The following SERINC1 variants were observed in gnomAD, a reference collection of about 807,000 sequenced individuals.
SERINC1 encodes the protein serine incorporator 1, also known as tumor differentially expressed protein 2.
SERINC1 carries 38 observed loss-of-function variants against 52.9 expected under a neutral mutation model. The observed-to-expected ratio is 0.72, with a 90% CI of 0.55 to 0.94. SERINC1 has a LOEUF of 0.94. Among genes scored for constraint, SERINC1 ranks in the 40% least tolerant of loss-of-function variants. The probability of loss-of-function intolerance (pLI) is 0.00; values close to 1 mark genes in which losing one functional copy is unlikely to be tolerated. For missense variants in SERINC1, 471 were observed against 533.9 expected (o/e 0.88, Z 1.16); for synonymous variants, 198 against 183.1 (o/e 1.08, Z -0.66).
At position 122,458,513 on chromosome 6, in the gene SERINC1, G is replaced by A; in HGVS notation, c.201+7C>T. 6.2e-7 allele frequency: 1 copy of A among 1,604,484 alleles called. No homozygotes were observed. Among genetic ancestry groups the A allele is most frequent in the African/African-American group, 1.3e-5 (1 of 74,684 alleles). On this transcript the variant is annotated splice_region_variant and intron_variant, in intron 2 of 9. Coordinates refer to ENST00000339697, the MANE Select transcript of SERINC1 (RefSeq NM_020755.4). ...CAGTTAATCAATAAATAAGAAACGA[G>A]ACTAACCTTATTCAGTTGTTCTTCC...
chr6:122,461,347 T>A (rs1775096213), intron 1 of SERINC1, among the ~76,000 whole-genome samples: 2 of 151,808 alleles, frequency 1.3e-5, no homozygotes, highest in South Asian at 2.1e-4. Context: ...AAGAAATAAA[T>A]CACACTTCTA....
chr6:122,463,103 G>GGT (rs1404773694), intron 1 of SERINC1, among the ~76,000 whole-genome samples: 7 of 152,100 alleles, frequency 4.6e-5, no homozygotes, highest in Non-Finnish European at 8.8e-5. Context: ...TAGGGAAAAG[G>GGT]GTGGACACAC....
intron 9 of SERINC1, among the ~76,000 whole-genome samples, chr6:122,446,545 T>C (rs1774806868): frequency 1.3e-5 from 2 of 152,180 alleles, no homozygotes; most frequent in Admixed American, 6.5e-5. Context: ...TTCATGAAAA[T>C]TTTTATTTTA....
rs893459397 is a variant in SERINC1 at position 122,444,212 on chromosome 6, C to T, written c.*832G>A. 6.6e-6 allele frequency: 1 copy of T among 152,278 alleles called. No individual in the cohort carries two copies. The highest frequency in any genetic ancestry group is 1.5e-5 in the Non-Finnish European group (1 of 68,148). The allele number at this position is 152,278 out of a possible 1,614,324, so 9.4% of individuals were successfully genotyped here. On this transcript the variant is annotated 3_prime_UTR_variant, in exon 10 of 10. Transcript: ENST00000339697. ...ATGTTGCCCAGGCTGGTCTTGAATTCCTGGGCTCAAGTAATCTACCCACCT... is the reference window on the plus strand; with the variant it reads ...ATGTTGCCCAGGCTGGTCTTGAATTTCTGGGCTCAAGTAATCTACCCACCT...
At chr6:122,471,420 A>G (rs78160634) in intron 1 of SERINC1, among the ~76,000 whole-genome samples, 18 of 131,372 alleles carry the variant, frequency 1.4e-4, no homozygotes, top group African/African-American at 4.7e-4. Context: ...TTCACGAAGC[A>G]GGGGTGGGGG....
chr6:122,471,593 T>G, intron 1 of SERINC1, 106 bp downstream of exon 1: 1 of 1,374,178 alleles, frequency 7.3e-7, no homozygotes, highest in Non-Finnish European at 1.0e-6. Context: ...GCACTCCCTG[T>G]TGGGTGGGGC....
In SERINC1 at chr6:122,451,772, AAAAAAT is replaced by A; in HGVS notation, c.760-24_760-19del. The A allele has an allele frequency of 2.0e-5, 5 of 246,742 alleles. No individual in the cohort carries two copies. The East Asian group carries it at 7.5e-4, about 37-fold the overall frequency. The allele number at this position is 246,742 out of a possible 1,614,324, so 15.3% of individuals were successfully genotyped here. A position where few individuals can be genotyped will look rare whatever the true frequency, so the allele number is the denominator to read the frequency against. On this transcript the variant is annotated intron_variant, in intron 6 of 9. Transcript: ENST00000339697. Reference sequence around the variant, plus strand: ...TGTGATTCCTACAAAAAAAAAAAAAAAAAAATATATATATATATATATAGCAACACA... The same window carrying A: ...TGTGATTCCTACAAAAAAAAAAAAAAATATATATATATATATAGCAACACA...
intron 5 of SERINC1, 43 bp downstream of exon 5, chr6:122,453,727 C>A: frequency 6.6e-7 from 1 of 1,513,566 alleles, no homozygotes. Context: ...TTCTCGACTT[C>A]AAAGTTCAAC....
At chr6:122,452,157 A>AT in intron 5 of SERINC1, 100 bp from the exon 6 acceptor site, 2 of 754,562 alleles carry the variant, frequency 2.7e-6, no homozygotes, top group Non-Finnish European at 3.8e-6. Context: ...TTTGTCAAAA[A>AT]ATATATTTTA....
chr6:122,469,384 T>G (rs1374303265), intron 1 of SERINC1, among the ~76,000 whole-genome samples: 2 of 151,114 alleles, frequency 1.3e-5, no homozygotes, highest in African/African-American at 2.4e-5. Flanking sequence ...GTTTTTGTTT[T>G]TTTTTTTTTT....
At chr6:122,469,037 T>C (rs1775230958) in intron 1 of SERINC1, among the ~76,000 whole-genome samples, 1 of 151,994 alleles carries the variant, frequency 6.6e-6, no homozygotes, top group Admixed American at 6.6e-5. Context: ...TTAAAGTAAT[T>C]AACAATCAAA....
rs753971064 is a variant in SERINC1 at position 122,447,203 on chromosome 6, T to C, written c.913A>G (p.Lys305Glu). Residue 305 changes from lysine to glutamate, a missense_variant, in exon 8 of 10, where the codon AAG (lysine) becomes GAG (glutamate). Physicochemically the swap from Lys to Glu is moderately conservative, Grantham distance 56. Transcript: ENST00000339697. ...IGYNTTSTVP[K>E]EGQSVQWWHA... ...CACCACTGGACTGACTGCCCTTCCTTTGGGACAGTGCTTGTTGTATTGTAG... is the reference window on the plus strand; with the variant it reads ...CACCACTGGACTGACTGCCCTTCCTCTGGGACAGTGCTTGTTGTATTGTAG... 5.0e-6 allele frequency: 8 copies of C among 1,612,548 alleles called. No homozygotes were observed. The highest frequency in any genetic ancestry group is 2.2e-5 in the East Asian group (1 of 44,870).
intron 1 of SERINC1, among the ~76,000 whole-genome samples, chr6:122,468,818 C>T (rs543147568): frequency 9.2e-5 from 14 of 152,244 alleles, no homozygotes; most frequent in African/African-American, 3.4e-4. Context: ...AAAAAATACG[C>T]ACTCAGTAAT....
chr6:122,467,267 G>A (rs1328898649), intron 1 of SERINC1, among the ~76,000 whole-genome samples: 2 of 152,148 alleles, frequency 1.3e-5, no homozygotes, highest in Non-Finnish European at 2.9e-5. Flanking sequence ...TGAACTTAGA[G>A]ATGCATACAG....
chr6:122,457,566 A>G (rs906836249), intron 2 of SERINC1, among the ~76,000 whole-genome samples: 1 of 152,162 alleles, frequency 6.6e-6, no homozygotes, highest in East Asian at 1.9e-4. Context: ...ATGAGGGTAG[A>G]GCCCTCAGGA....
At chr6:122,445,288 T>C in intron 9 of SERINC1, 109 bp from the exon 10 acceptor site, 3 of 1,040,504 alleles carry the variant, frequency 2.9e-6, no homozygotes, top group Non-Finnish European at 4.2e-6. Flanking sequence ...CAGTTTGTGA[T>C]TTCAGATATA....
Position 122,451,774 on chromosome 6 carries a change from A to ATATATATATATAT in SERINC1, c.760-21_760-20insATATATATATATA, listed in dbSNP as rs1415169953. 6.2e-5 allele frequency: 13 copies of ATATATATATATAT among 211,200 alleles called. No individual in the cohort carries two copies. The East Asian group carries it at 1.5e-3, about 25-fold the overall frequency. 13.1% of individuals were successfully genotyped at this position (211,200 alleles called of 1,614,324 possible). ...TGATTCCTACAAAAAAAAAAAAAAA[A>ATATATATATATAT]AAATATATATATATATATATAGCAA... On this transcript the variant is annotated intron_variant, in intron 6 of 9. Transcript: ENST00000339697.
At chr6:122,453,747 G>A (rs1488303296) in intron 5 of SERINC1, 23 bp downstream of exon 5, 1 of 1,576,696 alleles carries the variant, frequency 6.3e-7, no homozygotes, top group Non-Finnish European at 8.7e-7. Context: ...CTATACTGAA[G>A]TTGTTCTGCG....
intron 1 of SERINC1, among the ~76,000 whole-genome samples, chr6:122,467,245 A>G (rs1775205345): frequency 6.6e-6 from 1 of 152,222 alleles, no homozygotes; most frequent in African/African-American, 2.4e-5. Flanking sequence ...TCGATCAATC[A>G]TGACATGTAT....
Sources: gnomAD v4.1 joint callset for allele counts (sites outside exome capture counted in the v4.1 genomes callset) on GRCh38, gnomAD v4.1.1 for gene constraint, MANE v1.5 for transcripts, NCBI Gene and HGNC (gene_info 2026-07-23, HGNC 2026-07-21) for gene names.